Variants in CROCC2 observed in about 807,000 individuals in gnomAD.
The protein encoded by CROCC2 is ciliary rootlet coiled-coil, rootletin family member 2.
A neutral mutation model predicts 177.6 loss-of-function variants in CROCC2; 163 were observed. That is an observed-to-expected ratio of 0.92 (90% CI 0.81 to 1.05). The LOEUF is 1.05. CROCC2 is among the 50% of genes least tolerant of loss of function. CROCC2 has a pLI of 0.00. For missense variants in CROCC2, 1,929 were observed against 1,797.8 expected (o/e 1.07, Z -1.32); for synonymous variants, 904 against 787.3 (o/e 1.15, Z -2.48).
chr2:240,962,361 C>A (rs192730253), intron 20 of CROCC2, among the ~76,000 whole-genome samples: 1 of 152,104 alleles, frequency 6.6e-6, no homozygotes, highest in Non-Finnish European at 1.5e-5. Flanking sequence ...ATCTCCTCTG[C>A]GCTGGGAAAT....
In CROCC2 at chr2:240,990,715, G is replaced by T. The variant is rs113960701; in HGVS notation, c.4864-481G>T. ...CTCCTGCCTCAGCCTCCAGAGTAGC[G>T]GGGATTGCAGGCACCCACCACCATG... On this transcript the variant is annotated intron_variant, in intron 30 of 31. Transcript: ENST00000690015. 5.3e-3 allele frequency among the ~76,000 whole-genome samples: 810 copies of T among 152,138 alleles called. 10 individuals are homozygous for T. The highest frequency in any genetic ancestry group is 0.02 in the Middle Eastern group (6 of 294).
chr2:240,974,914 GC>G (rs756135080), intron 27 of CROCC2, among the ~76,000 whole-genome samples: 1 of 152,084 alleles, frequency 6.6e-6, no homozygotes, highest in Non-Finnish European at 1.5e-5. Flanking sequence ...GTGTGTTTGT[GC>G]CACTTTTTAT....
At chr2:240,943,210 G>C (rs1375197832) in intron 14 of CROCC2, among the ~76,000 whole-genome samples, 1 of 152,072 alleles carries the variant, frequency 6.6e-6, no homozygotes, top group Non-Finnish European at 1.5e-5. Flanking sequence ...GTTTTGCCAT[G>C]TTGCCCAGGC....
intron 19 of CROCC2, 55 bp downstream of exon 19, chr2:240,956,027 C>G (rs1292751766): frequency 3.8e-6 from 5 of 1,311,536 alleles, no homozygotes; most frequent in East Asian, 5.0e-5. Context: ...TGGCAGACCC[C>G]AGGGGGCCAC....
At position 240,975,903 on chromosome 2, in the gene CROCC2, G is replaced by C. The variant is rs534170730; in HGVS notation, c.4402-6977G>C. Reference sequence around the variant, plus strand: ...CGCCACCACGCCCGGCTAATTTTTTGTATTTTTAGTAGGACTGGGGCTTCA... The same window carrying C: ...CGCCACCACGCCCGGCTAATTTTTTCTATTTTTAGTAGGACTGGGGCTTCA... On this transcript the variant is annotated intron_variant, in intron 27 of 31. Transcript: ENST00000690015. Among the ~76,000 whole-genome samples, 12 of 151,870 alleles carry C rather than the reference G, an allele frequency of 7.9e-5. No homozygotes were observed. The South Asian group carries it at 1.9e-3, about 24-fold the overall frequency.
intron 28 of CROCC2, chr2:240,983,542 G>C: frequency 7.9e-7 from 1 of 1,273,404 alleles, no homozygotes; most frequent in Non-Finnish European, 1.0e-6. Flanking sequence ...CGCGTCTGCA[G>C]GGGGAGCTCG....
In CROCC2 at chr2:240,973,897, A is replaced by G. The variant is rs1052519175; in HGVS notation, c.4401+5635A>G. ...CAAAATAACTTTTCTTGAGAGGTTC[A>G]TTGAACTCCCCTGTACATATTCCGC... On this transcript the variant is annotated intron_variant, in intron 27 of 31. Coordinates refer to ENST00000690015, the MANE Select transcript of CROCC2 (RefSeq NM_001351305.2). The surrounding 1 kb of genome is among the most constrained non-coding windows in gnomAD (Gnocchi z 4.7). Among the ~76,000 whole-genome samples the G allele has an allele frequency of 6.6e-6, 1 of 152,216 alleles. No homozygotes were observed. Among genetic ancestry groups the G allele is most frequent in the Non-Finnish European group, 1.5e-5 (1 of 68,038 alleles).
At chr2:240,912,831 C>T (rs991943679) in intron 1 of CROCC2, among the ~76,000 whole-genome samples, 1 of 152,182 alleles carries the variant, frequency 6.6e-6, no homozygotes, top group African/African-American at 2.4e-5. Context: ...GGGGCCCTGG[C>T]CATCAGTCGT....
In CROCC2 at chr2:240,955,969, G is replaced by A. The variant is rs1471441778; in HGVS notation, c.2940G>A (p.Ala980=). ...AGGCACAGAGCCAGCAGGAGCAAGC[G>A]CAGGTGAGCCCCATGCAGCCAGGCC... ...QQEAQSQQEQ[A]QATISATTEE... The change falls in exon 19 of 32, where the codon GCG becomes GCA. Residue 980 remains alanine, a synonymous_variant. Coordinates refer to ENST00000690015, the MANE Select transcript of CROCC2 (RefSeq NM_001351305.2). 3.9e-6 allele frequency: 6 copies of A among 1,533,934 alleles called. No homozygotes were observed. In the African/African-American group the frequency reaches 4.1e-5, roughly 11 times the overall value.
chr2:240,983,320 A>G, intron 28 of CROCC2: 2 of 1,219,954 alleles, frequency 1.6e-6, no homozygotes, highest in Non-Finnish European at 2.2e-6. Context: ...CACGCCGTTT[A>G]GGAGAAAATA....
Position 240,935,006 on chromosome 2 carries a change from G to T in CROCC2, c.1882G>T (p.Ala628Ser), listed in dbSNP as rs568734799. Residue 628 changes from alanine to serine, a missense_variant, in exon 13 of 32, where the codon GCC becomes TCC. Around this residue, in one of 3 missense-constraint regions of CROCC2, gnomAD observed 1,397 missense variants for 1,239.9 expected, o/e 1.13. Transcript: ENST00000690015. ...AAGGGACTCCCTGGCCGCAATGGCC[G>T]CCTTGATGGAGGGGTTGGCTCAGGA... ...EQRDSLAAMA[A>S]LMEGLAQDKS... The T allele has an allele frequency of 2.8e-6, 4 of 1,438,092 alleles. No individual in the cohort carries two copies. The highest frequency in any genetic ancestry group is 3.7e-6 in the Non-Finnish European group (4 of 1,093,518). 89.1% of individuals were successfully genotyped at this position (1,438,092 alleles called of 1,614,324 possible). A position where few individuals can be genotyped will look rare whatever the true frequency, so the allele number is the denominator to read the frequency against.
chr2:240,983,073 G>A (rs562362514), intron 28 of CROCC2, 44 bp downstream of exon 28: 62 of 1,532,232 alleles, frequency 4.0e-5, no homozygotes, highest in East Asian at 1.5e-4. Context: ...ACCAGGAGGC[G>A]GTGAACAGGC....
At chr2:240,935,715 G>C in intron 14 of CROCC2, 127 bp downstream of exon 14, 1 of 686,864 alleles carries the variant, frequency 1.5e-6, no homozygotes, top group East Asian at 3.3e-5. Flanking sequence ...TCTTGGTAAC[G>C]GATCAGGCCC....
intron 6 of CROCC2, among the ~76,000 whole-genome samples, 181 bp downstream of exon 6, chr2:240,930,450 G>A (rs893509976): frequency 6.6e-6 from 1 of 152,152 alleles, no homozygotes; most frequent in Non-Finnish European, 1.5e-5. Flanking sequence ...AGCGATGAGG[G>A]CAGCCTAGGA....
At chr2:240,926,967 G>A (rs1458385382) in intron 5 of CROCC2, among the ~76,000 whole-genome samples, 3 of 152,364 alleles carry the variant, frequency 2.0e-5, no homozygotes, top group African/African-American at 4.8e-5. Context: ...CCCGGGAGCC[G>A]ATTCTGCTGT....
chr2:240,963,227 C>T (rs1408463791), intron 20 of CROCC2: 5 of 368,124 alleles, frequency 1.4e-5, no homozygotes, highest in East Asian at 4.4e-5. Flanking sequence ...AGTGCAGACA[C>T]GTGTGCTGAG....
chr2:240,913,342 C>T (rs1490393438), intron 1 of CROCC2, among the ~76,000 whole-genome samples: 2 of 152,152 alleles, frequency 1.3e-5, no homozygotes, highest in Non-Finnish European at 2.9e-5. Context: ...TATCCCACCT[C>T]CCCCAGGAAG....
rs903260660 is a variant in CROCC2 at position 240,918,842 on chromosome 2, C to T, written c.195C>T (p.Ile65=). The T allele has an allele frequency of 6.1e-6, 4 of 654,726 alleles. No homozygotes were observed. Among genetic ancestry groups the T allele is most frequent in the South Asian group, 1.7e-5 (1 of 58,618 alleles). 40.6% of individuals were successfully genotyped at this position (654,726 alleles called of 1,614,324 possible). Residue 65 remains isoleucine (I), a synonymous_variant, in exon 2 of 32, where the codon ATC becomes ATT. Coordinates refer to ENST00000690015, the MANE Select transcript of CROCC2 (RefSeq NM_001351305.2). This position sits in a 1 kb window ranked among gnomAD's most constrained non-coding sequence, Gnocchi z 6.3. ...PTPVPTRIRE[I]VAGSLSEEPP... ...CCGTGCCCACCCGCATCCGTGAGAT[C>T]GTGGCCGGCAGCCTGAGTGAGGAGC...
chr2:240,989,959 C>T (rs1400761138), intron 30 of CROCC2, 126 bp downstream of exon 30: 16 of 856,488 alleles, frequency 1.9e-5, no homozygotes, highest in Admixed American at 1.2e-4. Flanking sequence ...CCACTGCCAC[C>T]CAGTGGGCTC....
Sources: allele counts gnomAD v4.1 joint callset (sites outside exome capture counted in the v4.1 genomes callset), GRCh38; gene constraint gnomAD v4.1.1; regional missense constraint gnomAD v4.1.1; non-coding constraint Gnocchi (gnomAD v3.1); transcripts MANE v1.5; gene names NCBI Gene and HGNC (gene_info 2026-07-23, HGNC 2026-07-21).